Variants in HIP1 observed in about 807,000 individuals in gnomAD.
HIP1 encodes the protein huntingtin interacting protein 1.
Under a neutral mutation model 147.6 loss-of-function variants are expected in HIP1, and 65 were observed. The ratio of observed to expected loss-of-function variants is 0.44; its 90% CI spans 0.36 to 0.54. The LOEUF (loss-of-function observed/expected upper bound fraction) is 0.54, where lower values mean the gene tolerates loss of function less well. Among genes scored for constraint, HIP1 ranks in the 20% least tolerant of loss-of-function variants. HIP1 has a pLI of 0.00. For missense variants in HIP1, 1,061 were observed against 1,299.6 expected (o/e 0.82, Z 2.82); for synonymous variants, 479 against 504.0 (o/e 0.95, Z 0.67).
At chr7:75,606,497 A>T (rs1385270715) in intron 1 of HIP1, among the ~76,000 whole-genome samples, 1 of 151,910 alleles carries the variant, frequency 6.6e-6, no homozygotes, top group Non-Finnish European at 1.5e-5. Context: ...AATTGCTTGA[A>T]CACGGGAGGT....
chr7:75,644,247 T>C (rs1554510806), intron 1 of HIP1, among the ~76,000 whole-genome samples: 1 of 152,174 alleles, frequency 6.6e-6, no homozygotes, highest in Non-Finnish European at 1.5e-5. Context: ...CACACACCTG[T>C]CTCTCAGCTT....
At chr7:75,573,587 G>A (rs1554497073) in intron 8 of HIP1, among the ~76,000 whole-genome samples, 174 bp downstream of exon 8, 1 of 152,186 alleles carries the variant, frequency 6.6e-6, no homozygotes, top group Non-Finnish European at 1.5e-5. Context: ...GGTCACCAAA[G>A]CCTGGGCCCT....
At chr7:75,683,329 G>C (rs1364294489) in intron 1 of HIP1, among the ~76,000 whole-genome samples, 1 of 152,114 alleles carries the variant, frequency 6.6e-6, no homozygotes, top group Non-Finnish European at 1.5e-5. Context: ...GGGGGCACTG[G>C]ATGGGGGCTT....
chr7:75,662,273 T>C (rs1222753972), intron 1 of HIP1, among the ~76,000 whole-genome samples: 1 of 152,078 alleles, frequency 6.6e-6, no homozygotes, highest in Non-Finnish European at 1.5e-5. Context: ...AGCCTGGAAC[T>C]CCTGGGCTCC....
chr7:75,698,033 T>C (rs1246212601), intron 1 of HIP1, among the ~76,000 whole-genome samples: 1 of 152,146 alleles, frequency 6.6e-6, no homozygotes, highest in African/African-American at 2.4e-5. Context: ...CACACTATGC[T>C]GCTCAAGCTG....
At position 75,535,055 on chromosome 7, in the gene HIP1, A is replaced by T. The variant is rs1258794134; in HGVS notation, c.*3117T>A. ...AGGACAATTTGATTTTGTCTAGAGA[A>T]TGGGGTAGCCATTCTAATCTGAGCT... On this transcript the variant is annotated 3_prime_UTR_variant, in exon 31 of 31. Coordinates refer to ENST00000336926, the MANE Select transcript of HIP1 (RefSeq NM_005338.7). 9.5e-6 allele frequency: 2 copies of T among 211,430 alleles called. No individual in the cohort carries two copies. The highest frequency in any genetic ancestry group is 1.9e-5 in the Non-Finnish European group (2 of 104,222). The allele number at this position is 211,430 out of a possible 1,614,324, so 13.1% of individuals were successfully genotyped here. A position where few individuals can be genotyped will look rare whatever the true frequency, so the allele number is the denominator to read the frequency against.
At chr7:75,731,435 A>G (rs1429888871) in intron 1 of HIP1, among the ~76,000 whole-genome samples, 1 of 138,778 alleles carries the variant, frequency 7.2e-6, no homozygotes, top group African/African-American at 2.6e-5. Flanking sequence ...GTGAGCCGAG[A>G]TGGCGCCATT....
In HIP1 at chr7:75,722,952, G is replaced by A. The variant is rs145188087; in HGVS notation, c.120+15849C>T. On this transcript the variant is annotated intron_variant, in intron 1 of 30. Coordinates refer to ENST00000336926, the MANE Select transcript of HIP1 (RefSeq NM_005338.7). The stretch of plus-strand genomic sequence containing the variant: ...CAGCCACGACAAGCACCAATGAAAC[G>A]ACAAGTATTCCTGTAGGTCTGAAAG... Among the ~76,000 whole-genome samples, 10 of 152,224 alleles carry A rather than the reference G, an allele frequency of 6.6e-5. No individual in the cohort carries two copies. In the East Asian group the frequency reaches 1.5e-3, roughly 23 times the overall value.
chr7:75,617,565 C>G (rs1310124485), intron 1 of HIP1, among the ~76,000 whole-genome samples: 2 of 152,130 alleles, frequency 1.3e-5, no homozygotes, highest in East Asian at 3.9e-4. Flanking sequence ...TCCTTTTCCC[C>G]GTATGCCAGC....
At chr7:75,575,891 G>A (rs1479927472) in intron 7 of HIP1, among the ~76,000 whole-genome samples, 1 of 151,630 alleles carries the variant, frequency 6.6e-6, no homozygotes, top group Non-Finnish European at 1.5e-5. Flanking sequence ...CTAATCCCTG[G>A]TAACTGGGTT....
At chr7:75,693,625 G>A (rs563541946) in intron 1 of HIP1, among the ~76,000 whole-genome samples, 2 of 152,036 alleles carry the variant, frequency 1.3e-5, no homozygotes, top group Non-Finnish European at 2.9e-5. Context: ...GTGTAATCCT[G>A]GCGCTTTGGG....
intron 1 of HIP1, among the ~76,000 whole-genome samples, chr7:75,726,703 CTTTT>C (rs797038208): frequency 2.2e-5 from 3 of 133,426 alleles, no homozygotes; most frequent in Non-Finnish European, 1.6e-5. Context: ...AAATGTTTTT[CTTTT>C]TTTTTTTTTT....
chr7:75,558,083 G>C, intron 15 of HIP1, 84 bp downstream of exon 15: 2 of 1,088,362 alleles, frequency 1.8e-6, no homozygotes, highest in Non-Finnish European at 2.8e-6. Flanking sequence ...GGGGTTGCTG[G>C]CCCCGGGGAA....
intron 5 of HIP1, among the ~76,000 whole-genome samples, chr7:75,586,224 T>A (rs1330320483): frequency 6.7e-6 from 1 of 148,326 alleles, no homozygotes; most frequent in Non-Finnish European, 1.5e-5. Flanking sequence ...TGAGACAGAG[T>A]CTCATTTTGT....
intron 1 of HIP1, among the ~76,000 whole-genome samples, chr7:75,737,565 C>G (rs1483014303): frequency 6.6e-6 from 1 of 152,022 alleles, no homozygotes; most frequent in African/African-American, 2.4e-5. Context: ...AGGCTGGTCT[C>G]AAACTCCTGA....
At chr7:75,729,305 CAAAAAAAA>C (rs35202804) in intron 1 of HIP1, among the ~76,000 whole-genome samples, 524 of 49,216 alleles carry the variant, frequency 0.011, 8 homozygotes, top group African/African-American at 0.039. Flanking sequence ...CTTGTCTCTG[CAAAAAAAA>C]AAAAAAAAAA....
chr7:75,629,699 C>G (rs1192957140), intron 1 of HIP1, among the ~76,000 whole-genome samples: 1 of 152,088 alleles, frequency 6.6e-6, no homozygotes, highest in Admixed American at 6.6e-5. Flanking sequence ...TGAGCCACCA[C>G]GCCCAGCTAA....
At chr7:75,657,128 C>T (rs1369440499) in intron 1 of HIP1, among the ~76,000 whole-genome samples, 1 of 152,198 alleles carries the variant, frequency 6.6e-6, no homozygotes, top group Non-Finnish European at 1.5e-5. Context: ...TTTATTGCAG[C>T]ACCATTTACA....
intron 1 of HIP1, among the ~76,000 whole-genome samples, chr7:75,627,853 A>G (rs1798096222): frequency 6.6e-6 from 1 of 152,120 alleles, no homozygotes; most frequent in Non-Finnish European, 1.5e-5. Context: ...GGTCAAGGGG[A>G]GCTGGGCACA....
Sources: gnomAD v4.1 joint callset for allele counts (sites outside exome capture counted in the v4.1 genomes callset) on GRCh38, gnomAD v4.1.1 for gene constraint, MANE v1.5 for transcripts, NCBI Gene and HGNC (gene_info 2026-07-23, HGNC 2026-07-21) for gene names.